Variants in DCT observed in about 807,000 individuals in gnomAD.
The protein encoded by DCT is L-dopachrome tautomerase.
A neutral mutation model predicts 53.0 loss-of-function variants in DCT; 47 were observed. The ratio of observed to expected loss-of-function variants is 0.89; its 90% CI spans 0.70 to 1.13. The LOEUF is 1.13. DCT is among the 50% of genes most tolerant of loss of function. The pLI is 0.00. For synonymous variants in DCT, 244 were observed against 237.0 expected, an observed-to-expected ratio of 1.03 and a Z score of -0.27; for missense variants, 669 against 637.4, an observed-to-expected ratio of 1.05 and a Z score of -0.53.
the DCT span, among the ~76,000 whole-genome samples, chr13:94,499,204 C>G: frequency 2.6e-5 from 4 of 152,182 alleles, no homozygotes; most frequent in South Asian, 4.2e-4. Flanking sequence ...TTGAAGTCAG[C>G]GAGACCACAA....
upstream of DCT, among the ~76,000 whole-genome samples, chr13:94,481,368 G>T (rs889995901): frequency 2.7e-5 from 4 of 150,186 alleles, no homozygotes; most frequent in African/African-American, 9.7e-5. Context: ...TTCTAAAATC[G>T]CAAAATCTCA....
the DCT span, among the ~76,000 whole-genome samples, chr13:94,543,752 T>C: frequency 6.6e-6 from 1 of 152,146 alleles, no homozygotes; most frequent in African/African-American, 2.4e-5. Flanking sequence ...CTGAACAAAA[T>C]GGCCAGGCAC....
At chr13:94,484,095 C>T (rs1440142450), upstream of DCT, among the ~76,000 whole-genome samples, 5 of 152,222 alleles carry the variant, frequency 3.3e-5, no homozygotes, top group Non-Finnish European at 4.4e-5. Flanking sequence ...ACATCCACCA[C>T]ATGTCAGCTG....
the DCT span, among the ~76,000 whole-genome samples, chr13:94,509,377 C>A: frequency 6.6e-6 from 1 of 152,032 alleles, no homozygotes. Context: ...ATTTCCATAT[C>A]TTTTCTCCTG....
At chr13:94,451,640 T>C (rs1387881418) in intron 6 of DCT, among the ~76,000 whole-genome samples, 3 of 152,144 alleles carry the variant, frequency 2.0e-5, no homozygotes, top group Non-Finnish European at 2.9e-5. Context: ...ACATCTCGCA[T>C]AGGGGCCATC....
At chr13:94,538,178 G>A in the DCT span, among the ~76,000 whole-genome samples, 1 of 152,220 alleles carries the variant, frequency 6.6e-6, no homozygotes, top group Admixed American at 6.5e-5. Flanking sequence ...AGTGACTCCT[G>A]AAAGAAGGGT....
intron 1 of DCT, among the ~76,000 whole-genome samples, chr13:94,471,548 A>T (rs77274439): frequency 0.052 from 7,892 of 152,308 alleles, 302 homozygotes; most frequent in Non-Finnish European, 0.079. Context: ...ATCAGATGCT[A>T]TGCAAGATGC....
chr13:94,513,987 CAAAAAAAAA>C, the DCT span, among the ~76,000 whole-genome samples: 2 of 53,202 alleles, frequency 3.8e-5, no homozygotes, highest in African/African-American at 1.5e-4. Context: ...AACTCTGTCT[CAAAAAAAAA>C]AAAAAAAAAA....
intron 4 of DCT, among the ~76,000 whole-genome samples, chr13:94,464,632 C>G (rs1884040193): frequency 6.6e-6 from 1 of 151,124 alleles, no homozygotes. Flanking sequence ...GAGTGAGACT[C>G]CATCTCAAAA....
intron 1 of DCT, among the ~76,000 whole-genome samples, chr13:94,474,865 C>A (rs1386115975): frequency 1.3e-5 from 2 of 152,092 alleles, no homozygotes; most frequent in South Asian, 4.1e-4. Flanking sequence ...ATTACTTTAC[C>A]AGCTTCATGA....
chr13:94,446,179 A>G (rs1882717342), intron 6 of DCT, among the ~76,000 whole-genome samples: 1 of 152,230 alleles, frequency 6.6e-6, no homozygotes. Flanking sequence ...AAACCTCAAC[A>G]GTGGACACCA....
intron 6 of DCT, 144 bp downstream of exon 6, chr13:94,459,947 G>C (rs1317392045): frequency 7.7e-6 from 7 of 908,252 alleles, no homozygotes; most frequent in African/African-American, 1.7e-5. Flanking sequence ...CCATCCCTAT[G>C]GTATAGATTG....
rs566861543 is a variant in DCT at position 94,462,580 on chromosome 13, T to C, written c.864-391A>G. Among the ~76,000 whole-genome samples, 50 of 151,948 alleles carry C rather than the reference T, an allele frequency of 3.3e-4. 2 individuals carry two copies. The South Asian group carries it at 7.3e-3, about 22-fold the overall frequency. ...GTATTATAAATTTGGGCCAAGCAAA[T>C]CAATCAGGGTCACAATCATGGTAAA... On this transcript the variant is annotated intron_variant, in intron 4 of 7. Coordinates refer to ENST00000377028, the MANE Select transcript of DCT (RefSeq NM_001922.5).
At chr13:94,481,406 C>T (rs559821645), upstream of DCT, among the ~76,000 whole-genome samples, 1 of 152,286 alleles carries the variant, frequency 6.6e-6, no homozygotes, top group South Asian at 2.1e-4. Context: ...TATTTTGGAG[C>T]TCATTCATTC....
chr13:94,456,250 T>C (rs1305351588), intron 6 of DCT, among the ~76,000 whole-genome samples: 4 of 152,194 alleles, frequency 2.6e-5, no homozygotes, highest in African/African-American at 9.6e-5. Flanking sequence ...AGAACAACTC[T>C]ACCAACTAAT....
chr13:94,478,465 A>G (rs1316842286), intron 1 of DCT, among the ~76,000 whole-genome samples: 2 of 152,140 alleles, frequency 1.3e-5, no homozygotes, highest in Non-Finnish European at 2.9e-5. Context: ...TGACAAAGCG[A>G]GACTCCATCT....
chr13:94,477,177 C>A (rs975449257), intron 1 of DCT, among the ~76,000 whole-genome samples: 7 of 152,112 alleles, frequency 4.6e-5, no homozygotes, highest in Non-Finnish European at 1.0e-4. Context: ...CTCACTGCAA[C>A]CTCTGCCTCC....
intron 7 of DCT, 69 bp downstream of exon 7, chr13:94,443,367 A>G (rs901023619): frequency 1.6e-6 from 2 of 1,287,644 alleles, no homozygotes; most frequent in Non-Finnish European, 1.1e-6. Context: ...CATTATAAAG[A>G]AAGAAAGCAA....
In DCT at chr13:94,479,367, C is replaced by G. The variant is rs1885335476; in HGVS notation, c.-112G>C. 1.2e-5 allele frequency: 13 copies of G among 1,049,658 alleles called. No homozygotes were observed. The South Asian group carries it at 1.8e-4, about 14-fold the overall frequency. 65.0% of individuals were successfully genotyped at this position (1,049,658 alleles called of 1,614,324 possible). ...TTTCTTTTCAGTATTTTTTATTTTT[C>G]TTTGCTTTCTATTCCTTTCTTCTTA... On this transcript the variant is annotated 5_prime_UTR_variant, in exon 1 of 8. Coordinates refer to ENST00000377028, the MANE Select transcript of DCT (RefSeq NM_001922.5).
Sources: allele counts gnomAD v4.1 joint callset (sites outside exome capture counted in the v4.1 genomes callset), GRCh38; gene constraint gnomAD v4.1.1; transcripts MANE v1.5; gene names NCBI Gene and HGNC (gene_info 2026-07-23, HGNC 2026-07-21).